ZRANB3: variants seen among roughly 807,000 people sequenced by gnomAD.
The protein encoded by ZRANB3 is DNA annealing helicase and endonuclease ZRANB3.
Under a neutral mutation model 133.8 loss-of-function variants are expected in ZRANB3, and 125 were observed. The ratio of observed to expected loss-of-function variants is 0.93; its 90% CI spans 0.81 to 1.08. The LOEUF is 1.08. ZRANB3 is among the 50% of genes least tolerant of loss of function. The probability of loss-of-function intolerance (pLI) is 0.00; values close to 1 mark genes in which losing one functional copy is unlikely to be tolerated. For synonymous variants in ZRANB3, 387 were observed against 432.7 expected (o/e 0.89, Z 1.31); for missense variants, 1,229 against 1,275.5 (o/e 0.96, Z 0.56).
At chr2:135,224,403 T>G (rs1694674992) in intron 15 of ZRANB3, 23 bp downstream of exon 15, 1 of 1,549,022 alleles carries the variant, frequency 6.5e-7, no homozygotes, top group Non-Finnish European at 8.8e-7. Context: ...TGTTTCAAGT[T>G]ACAGAATCTG....
At chr2:135,409,112 A>G (rs1041686430) in intron 2 of ZRANB3, among the ~76,000 whole-genome samples, 1 of 152,182 alleles carries the variant, frequency 6.6e-6, no homozygotes, top group African/African-American at 2.4e-5. Flanking sequence ...ACTTACAATC[A>G]TAGTGGGAGG....
In ZRANB3 at chr2:135,307,510, T is replaced by G. The variant is rs1177019901; in HGVS notation, c.966+5979A>C. On this transcript the variant is annotated intron_variant, in intron 8 of 20. Transcript: ENST00000264159. ...TCTTTTCTTGCATGTTGTTTATCTT[T>G]TCTATTTGATGCTTTAACATATTAT... is the stretch of plus-strand genomic sequence containing the variant. Among the ~76,000 whole-genome samples the G allele has an allele frequency of 2.0e-5, 3 of 152,260 alleles. No individual in the cohort carries two copies. In the East Asian group the frequency reaches 5.8e-4, roughly 29 times the overall value.
chr2:135,226,358 ATG>A lies in ZRANB3; in HGVS notation c.2158+1452_2158+1453del, dbSNP rs1312461020. Among the ~76,000 whole-genome samples the A allele has an allele frequency of 7.2e-5, 11 of 152,322 alleles. No homozygotes were observed. The South Asian group carries it at 2.3e-3, about 32-fold the overall frequency. On this transcript the variant is annotated intron_variant, in intron 14 of 20. Coordinates refer to ENST00000264159, the MANE Select transcript of ZRANB3 (RefSeq NM_032143.4). The stretch of plus-strand genomic sequence containing the variant: ...TACCACTCTGGTTCTAAAAGAGCAT[ATG>A]TAGGTAGAATAAGCATTTAACATAG...
chr2:135,504,125 T>C, intron 2 of ZRANB3: 1 of 652,574 alleles, frequency 1.5e-6, no homozygotes, highest in Non-Finnish European at 2.7e-6. Context: ...TGAACATACT[T>C]TCTCTTAAGA....
At position 135,441,247 on chromosome 2, in the gene ZRANB3, T is replaced by C. The variant is rs966029467; in HGVS notation, c.162-50427A>G. ...AAAGCAGAAAGAGAAAAACAATTTATTATGTACTGGAAGCAATGATACTAC... is the reference window on the plus strand; with the variant it reads ...AAAGCAGAAAGAGAAAAACAATTTACTATGTACTGGAAGCAATGATACTAC... On this transcript the variant is annotated intron_variant, in intron 2 of 20. Transcript: ENST00000264159. 5.3e-5 allele frequency among the ~76,000 whole-genome samples: 8 copies of C among 152,182 alleles called. No homozygotes were observed. The East Asian group carries it at 9.7e-4, about 18-fold the overall frequency.
intron 2 of ZRANB3, among the ~76,000 whole-genome samples, chr2:135,482,788 T>C (rs1189430519): frequency 3.3e-5 from 5 of 152,210 alleles, no homozygotes; most frequent in South Asian, 2.1e-4. Context: ...TGAAATACGT[T>C]CCATCAGTAC....
chr2:135,270,543 C>T (rs1014841314), intron 10 of ZRANB3, among the ~76,000 whole-genome samples: 1 of 152,156 alleles, frequency 6.6e-6, no homozygotes, highest in African/African-American at 2.4e-5. Context: ...AGCACCTCCC[C>T]AGCTCTAAGT....
chr2:135,388,739 T>C (rs368473916), intron 3 of ZRANB3, among the ~76,000 whole-genome samples: 1 of 152,190 alleles, frequency 6.6e-6, no homozygotes, highest in Non-Finnish European at 1.5e-5. Flanking sequence ...TTTCAGTCAT[T>C]TGGACTCTCA....
intron 12 of ZRANB3, chr2:135,238,887 G>A (rs1695429506): frequency 6.6e-6 from 1 of 152,234 alleles, no homozygotes. Context: ...CCAGACATGT[G>A]AGTGAACAAG....
chr2:135,471,090 T>C (rs533159435), intron 2 of ZRANB3, among the ~76,000 whole-genome samples: 2 of 148,732 alleles, frequency 1.3e-5, no homozygotes, highest in East Asian at 2.0e-4. Flanking sequence ...GTTGAGCCAC[T>C]GCACCCGGCC....
At chr2:135,448,890 A>G (rs1690144421) in intron 2 of ZRANB3, among the ~76,000 whole-genome samples, 1 of 152,202 alleles carries the variant, frequency 6.6e-6, no homozygotes, top group Admixed American at 6.5e-5. Flanking sequence ...ACTTCCCATC[A>G]CACAAGTTCT....
At chr2:135,363,027 T>TA (rs972042823) in intron 3 of ZRANB3, among the ~76,000 whole-genome samples, 2 of 151,284 alleles carry the variant, frequency 1.3e-5, no homozygotes, top group African/African-American at 4.9e-5. Context: ...GTAAAAAGAT[T>TA]AAAAAAAAAG....
intron 3 of ZRANB3, among the ~76,000 whole-genome samples, chr2:135,362,096 G>T (rs371326798): frequency 6.6e-6 from 1 of 151,838 alleles, no homozygotes; most frequent in East Asian, 1.9e-4. Flanking sequence ...TACTCGGGAG[G>T]CTGAGGCAGG....
In ZRANB3 at chr2:135,526,684, T is replaced by G. The variant is rs540479873; in HGVS notation, c.-8+4443A>C. On this transcript the variant is annotated intron_variant, in intron 1 of 20. Transcript: ENST00000264159. ...ATTGTCCTGCAAAGTCTCTTGTGGT[T>G]AAAATCCATATTCTATAGTGAATCC... Among the ~76,000 whole-genome samples, 3 of 152,334 alleles carry G rather than the reference T, an allele frequency of 2.0e-5. No homozygotes were observed. The East Asian group carries it at 5.8e-4, about 29-fold the overall frequency.
chr2:135,454,859 T>C (rs1690427351), intron 2 of ZRANB3, among the ~76,000 whole-genome samples: 1 of 152,202 alleles, frequency 6.6e-6, no homozygotes, highest in African/African-American at 2.4e-5. Flanking sequence ...TTATGATACT[T>C]CTGTATCTTT....
chr2:135,249,830 C>T (rs1186146717), intron 12 of ZRANB3, among the ~76,000 whole-genome samples: 1 of 152,194 alleles, frequency 6.6e-6, no homozygotes, highest in Non-Finnish European at 1.5e-5. Context: ...AATTAAATCT[C>T]TTTTTCTACC....
At chr2:135,527,252 A>G (rs1295912819) in intron 1 of ZRANB3, among the ~76,000 whole-genome samples, 1 of 152,160 alleles carries the variant, frequency 6.6e-6, no homozygotes, top group Non-Finnish European at 1.5e-5. Flanking sequence ...TCAGGGTCAC[A>G]CTATACATTT....
At chr2:135,303,995 T>C (rs1008258068) in intron 8 of ZRANB3, among the ~76,000 whole-genome samples, 1 of 152,204 alleles carries the variant, frequency 6.6e-6, no homozygotes, top group Non-Finnish European at 1.5e-5. Flanking sequence ...TTCTGGGACC[T>C]TGATAAAATC....
At chr2:135,335,692 CAAACAAAACA>C (rs554931885) in intron 6 of ZRANB3, among the ~76,000 whole-genome samples, 161 of 151,816 alleles carry the variant, frequency 1.1e-3, no homozygotes, top group African/African-American at 3.0e-3. Flanking sequence ...GACTCTGTCT[CAAACAAAACA>C]AAACAAAACA....
Sources: allele counts gnomAD v4.1 joint callset (sites outside exome capture counted in the v4.1 genomes callset), GRCh38; gene constraint gnomAD v4.1.1; transcripts MANE v1.5; gene names NCBI Gene and HGNC (gene_info 2026-07-23, HGNC 2026-07-21).